The following COL5A2 variants were observed in gnomAD, a reference collection of about 807,000 sequenced individuals.
COL5A2 encodes the protein collagen alpha-2(V) chain.
Under a neutral mutation model 208.2 loss-of-function variants are expected in COL5A2, and 23 were observed. That is an observed-to-expected ratio of 0.11 (90% CI 0.08 to 0.16). COL5A2 has a LOEUF of 0.16. Ranked by LOEUF, COL5A2 falls within the 10% of genes least tolerant of loss-of-function variation. The probability of loss-of-function intolerance (pLI) is 1.00; values close to 1 mark genes in which losing one functional copy is unlikely to be tolerated. For missense variants in COL5A2, 1,590 were observed against 1,956.4 expected (o/e 0.81, Z 3.53); for synonymous variants, 625 against 628.5 (o/e 0.99, Z 0.08).
At chr2:189,237,669 C>G in the COL5A2 span, among the ~76,000 whole-genome samples, 66 of 151,772 alleles carry the variant, frequency 4.3e-4, 1 homozygote, top group Non-Finnish European at 7.8e-4. Flanking sequence ...GGCAATATAT[C>G]CAACCACTAT....
intron 1 of COL5A2, among the ~76,000 whole-genome samples, chr2:189,201,818 T>C (rs1689070982): frequency 6.6e-6 from 1 of 151,858 alleles, no homozygotes; most frequent in Non-Finnish European, 1.5e-5. Flanking sequence ...TCTCAAGAGA[T>C]ATGCTTTAGG....
intron 1 of COL5A2, among the ~76,000 whole-genome samples, chr2:189,191,163 C>CCAAAAAAAAAAAAA (rs748055610): frequency 1.4e-5 from 1 of 72,270 alleles, no homozygotes; most frequent in Non-Finnish European, 3.1e-5. Flanking sequence ...AAAAAACAAA[C>CCAAAAAAAAAAAAA]AAACAACAAA....
In COL5A2 at chr2:189,053,452, G is replaced by T; in HGVS notation, c.2525C>A (p.Thr842Asn). The T allele has an allele frequency of 6.2e-7, 1 of 1,613,852 alleles. No individual in the cohort carries two copies. Among genetic ancestry groups the T allele is most frequent in the Non-Finnish European group, 8.5e-7 (1 of 1,179,866 alleles). Residue 842 changes from threonine (T) to asparagine (N), a missense_variant, in exon 38 of 54, where the codon ACT becomes AAT. Transcript: ENST00000374866. ...NPGSRGENGP[T>N]GAVGFAGPQG... The stretch of plus-strand genomic sequence containing the variant: ...GGGTCCGGCAAAACCAACAGCTCCA[G>T]TTGGCCCATTTTCACCTCGAGAACC...
chr2:189,064,629 T>G lies in COL5A2; in HGVS notation c.1644A>C (p.Val548=). The change falls in exon 25 of 54, where the codon GTA becomes GTC. Residue 548 remains valine, a synonymous_variant. Transcript: ENST00000374866. Reference sequence around the variant, plus strand: ...GGCTTCCTTTGGGTCCTGAAGAACCTACAGGACCCCGTTCTCCTTGAGCAC... The same window carrying G: ...GGCTTCCTTTGGGTCCTGAAGAACCGACAGGACCCCGTTCTCCTTGAGCAC... The part of the protein sequence containing the change: ...PKGAQGERGP[V]GSSGPKGSQG... The G allele has an allele frequency of 1.2e-6, 2 of 1,613,832 alleles. No individual in the cohort carries two copies. Among genetic ancestry groups the G allele is most frequent in the East Asian group, 4.5e-5 (2 of 44,846 alleles).
At position 189,058,543 on chromosome 2, in the gene COL5A2, G is replaced by A. The variant is rs1187598016; in HGVS notation, c.2131-16C>T. 1.3e-6 allele frequency: 2 copies of A among 1,599,434 alleles called. No homozygotes were observed. The highest frequency in any genetic ancestry group is 4.5e-5 in the East Asian group (2 of 44,780). On this transcript the variant is annotated splice_polypyrimidine_tract_variant and intron_variant, in intron 32 of 53. Coordinates refer to ENST00000374866, the MANE Select transcript of COL5A2 (RefSeq NM_000393.5). ...CTCGTTCTCCCTAGCACAAAATTGG[G>A]ATGTCAAATAATCTCAATACTTGAT... is the stretch of plus-strand genomic sequence containing the variant.
chr2:189,174,267 A>G (rs1688634984), intron 1 of COL5A2, among the ~76,000 whole-genome samples: 1 of 152,218 alleles, frequency 6.6e-6, no homozygotes, highest in South Asian at 2.1e-4. Flanking sequence ...AGTAAGAGAG[A>G]GGAAATATTG....
At chr2:189,350,994 T>A in the COL5A2 span, among the ~76,000 whole-genome samples, 1 of 152,220 alleles carries the variant, frequency 6.6e-6, no homozygotes, top group Admixed American at 6.5e-5. Flanking sequence ...CCCTGGCTAA[T>A]ATCAGAATAA....
At chr2:189,126,672 G>A (rs1195026151) in intron 1 of COL5A2, among the ~76,000 whole-genome samples, 3 of 151,968 alleles carry the variant, frequency 2.0e-5, no homozygotes, top group Non-Finnish European at 4.4e-5. Context: ...CAAACCAAGG[G>A]ACTAATAACA....
chr2:189,272,667 A>T, the COL5A2 span, among the ~76,000 whole-genome samples: 109,747 of 151,586 alleles, frequency 0.72, 42,602 homozygotes, highest in Non-Finnish European at 0.87. Flanking sequence ...TAATTTTTTT[A>T]AAAAAAATCT....
chr2:189,069,358 T>C (rs913183202), intron 18 of COL5A2, among the ~76,000 whole-genome samples: 2 of 152,204 alleles, frequency 1.3e-5, no homozygotes, highest in Non-Finnish European at 2.9e-5. Flanking sequence ...TATCAAAGAA[T>C]AGATATTCTT....
chr2:189,078,984 TA>T, intron 15 of COL5A2, 78 bp downstream of exon 15: 2 of 1,146,254 alleles, frequency 1.7e-6, no homozygotes, highest in Non-Finnish European at 2.6e-6. Context: ...ATTTTTCATT[TA>T]AAAATTCTCT....
At chr2:189,393,161 T>C in the COL5A2 span, among the ~76,000 whole-genome samples, 2 of 152,178 alleles carry the variant, frequency 1.3e-5, no homozygotes, top group Non-Finnish European at 2.9e-5. Flanking sequence ...TTCAAACTTT[T>C]TTTTTTAATC....
intron 1 of COL5A2, among the ~76,000 whole-genome samples, chr2:189,192,143 C>T (rs1211349775): frequency 6.6e-6 from 1 of 152,146 alleles, no homozygotes; most frequent in Non-Finnish European, 1.5e-5. Flanking sequence ...GTAGGTTCCT[C>T]ATTTATGTAA....
the COL5A2 span, among the ~76,000 whole-genome samples, chr2:189,388,388 C>T: frequency 6.6e-6 from 1 of 152,080 alleles, no homozygotes; most frequent in East Asian, 1.9e-4. Context: ...GGAACAGACA[C>T]TATAATAGTC....
At chr2:189,352,243 A>G in the COL5A2 span, among the ~76,000 whole-genome samples, 1 of 152,110 alleles carries the variant, frequency 6.6e-6, no homozygotes, top group South Asian at 2.1e-4. Flanking sequence ...GCTATTGTCA[A>G]CAGTGCTGCA....
At chr2:189,222,584 A>G (rs1689360832) in intron 1 of COL5A2, among the ~76,000 whole-genome samples, 1 of 152,162 alleles carries the variant, frequency 6.6e-6, no homozygotes, top group Admixed American at 6.6e-5. Flanking sequence ...GTACTAGCAA[A>G]TGCCAGAACA....
chr2:189,210,953 T>A (rs1169053085), intron 1 of COL5A2, among the ~76,000 whole-genome samples: 1 of 151,868 alleles, frequency 6.6e-6, no homozygotes, highest in Non-Finnish European at 1.5e-5. Context: ...TCCCCAGGAT[T>A]TTTTTTTAAC....
intron 4 of COL5A2, among the ~76,000 whole-genome samples, chr2:189,099,816 C>T (rs1464562400): frequency 1.3e-5 from 2 of 152,192 alleles, no homozygotes; most frequent in Non-Finnish European, 2.9e-5. Flanking sequence ...AACTACTATA[C>T]TAACTAGTAC....
intron 1 of COL5A2, among the ~76,000 whole-genome samples, chr2:189,164,242 T>C (rs576353675): frequency 2.0e-5 from 3 of 152,298 alleles, no homozygotes; most frequent in South Asian, 2.1e-4. Context: ...AGCTTCCTGA[T>C]GCGAGATGAA....
Sources: allele counts gnomAD v4.1 joint callset (sites outside exome capture counted in the v4.1 genomes callset), GRCh38; gene constraint gnomAD v4.1.1; transcripts MANE v1.5; gene names NCBI Gene and HGNC (gene_info 2026-07-23, HGNC 2026-07-21).